PAXIP1: variants seen among roughly 807,000 people sequenced by gnomAD.
The protein encoded by PAXIP1 is PAX interacting protein 1.
Under a neutral mutation model 140.6 loss-of-function variants are expected in PAXIP1, and 19 were observed. The observed-to-expected ratio is 0.14, with a 90% confidence interval of 0.09 to 0.20. The LOEUF (loss-of-function observed/expected upper bound fraction) is 0.20. Among genes scored for constraint, PAXIP1 ranks in the 10% least tolerant of loss-of-function variants. The pLI, the probability that PAXIP1 is intolerant of heterozygous loss-of-function variation, is 1.00. For synonymous variants in PAXIP1, 442 were observed against 444.6 expected (o/e 0.99, Z 0.07); for missense variants, 920 against 1,208.6 (o/e 0.76, Z 3.54).
chr7:154,980,992 G>A (rs955204832), intron 5 of PAXIP1, among the ~76,000 whole-genome samples: 8 of 152,034 alleles, frequency 5.3e-5, no homozygotes, highest in African/African-American at 1.9e-4. Flanking sequence ...GTGGTGGCAC[G>A]AGCCTGTAAT....
intron 6 of PAXIP1, among the ~76,000 whole-genome samples, chr7:154,971,382 G>C (rs1046931677): frequency 1.3e-5 from 2 of 152,356 alleles, no homozygotes; most frequent in East Asian, 3.9e-4. Flanking sequence ...TGGAGATTCA[G>C]GACAAGAGTC....
Position 154,968,712 on chromosome 7 carries a change from G to C in PAXIP1, c.1489C>G (p.Leu497Val), listed in dbSNP as rs749524574. ...QLQPFQQQHA[L>V]QQQFHQLQQH... ...TGCAGCTGATGGAACTGCTGCTGCA[G>C]GGCATGCTGCTGCTGAAAGGGCTGG... The change falls in exon 7 of 21, where the codon CTG (leucine) becomes GTG (valine). Residue 497 changes from leucine to valine, a missense_variant. Physicochemically the swap from Leu to Val is conservative, Grantham distance 32. This residue lies in a region of PAXIP1 where 133 missense variants were observed against 88.4 expected (regional missense o/e 1.50). Coordinates refer to ENST00000404141, the MANE Select transcript of PAXIP1 (RefSeq NM_007349.4). 2.8e-6 allele frequency: 2 copies of C among 718,298 alleles called. No individual in the cohort carries two copies. The highest frequency in any genetic ancestry group is 1.5e-5 in the South Asian group (1 of 67,594). 44.5% of individuals were successfully genotyped at this position (718,298 alleles called of 1,614,324 possible).
intron 2 of PAXIP1, among the ~76,000 whole-genome samples, chr7:154,998,387 A>T (rs1810736248): frequency 6.6e-6 from 1 of 152,174 alleles, no homozygotes; most frequent in African/African-American, 2.4e-5. Flanking sequence ...AGGCACTTGT[A>T]ATCCCAGCTA....
intron 4 of PAXIP1, 65 bp from the exon 5 acceptor site, chr7:154,983,397 C>A (rs1298620850): frequency 1.3e-6 from 1 of 752,598 alleles, no homozygotes; most frequent in African/African-American, 1.8e-5. Context: ...TATATTTTCA[C>A]TTTAGTAATA....
intron 4 of PAXIP1, among the ~76,000 whole-genome samples, chr7:154,987,387 G>A (rs1482732416): frequency 6.6e-6 from 1 of 152,164 alleles, no homozygotes; most frequent in South Asian, 2.1e-4. Context: ...GATTAAGTGT[G>A]ACTTTACCTT....
Position 154,944,181 on chromosome 7 carries a change from A to G in PAXIP1, c.3195-17T>C, listed in dbSNP as rs1233593232. 6.3e-7 allele frequency: 1 copy of G among 1,594,428 alleles called. No individual in the cohort carries two copies. On this transcript the variant is annotated splice_polypyrimidine_tract_variant and intron_variant, in intron 20 of 20. Transcript: ENST00000404141. ...AACTTATATGTAGGCTTGTTGAGGA[A>G]AACGACTTTCAAACACAAGGCAAAA... is the stretch of plus-strand genomic sequence containing the variant.
rs2150745818 is a variant in PAXIP1 at position 154,956,301 on chromosome 7, A to G, written c.2550-670T>C. On this transcript the variant is annotated intron_variant, in intron 14 of 20. Transcript: ENST00000404141. This position sits in a 1 kb window ranked among gnomAD's most constrained non-coding sequence, Gnocchi z 4.2. ...GGTAATTTGATGACAGCCTCAAAAA[A>G]ATCACATAATTAGGATTTTATTACA... The G allele has an allele frequency of 6.6e-6, 1 of 152,348 alleles. No homozygotes were observed. The highest frequency in any genetic ancestry group is 6.5e-5 in the Admixed American group (1 of 15,306). 9.4% of individuals were successfully genotyped at this position (152,348 alleles called of 1,614,324 possible).
chr7:154,949,486 A>G (rs1808167838), intron 16 of PAXIP1: 1 of 152,206 alleles, frequency 6.6e-6, no homozygotes, highest in South Asian at 2.1e-4. Flanking sequence ...TGATGAATTA[A>G]AAAAGGAACA....
chr7:154,948,181 C>A, intron 16 of PAXIP1, 178 bp from the exon 17 acceptor site: 1 of 581,640 alleles, frequency 1.7e-6, no homozygotes, highest in Admixed American at 2.8e-5. Context: ...TAAAAACAGC[C>A]AGACCAAAAA....
chr7:154,961,148 T>C, intron 11 of PAXIP1, 71 bp from the exon 12 acceptor site: 1 of 1,223,490 alleles, frequency 8.2e-7, no homozygotes, highest in Non-Finnish European at 1.1e-6. Context: ...TGTACATTTA[T>C]TTCCAACAAA....
rs1258146817 is a variant in PAXIP1, at chr7:155,002,933, C to A, written c.-4G>T. 1 of 1,299,660 alleles carries A rather than the reference C, an allele frequency of 7.7e-7. No individual in the cohort carries two copies. Among genetic ancestry groups the A allele is most frequent in the African/African-American group, 1.5e-5 (1 of 64,928 alleles). The allele number at this position is 1,299,660 out of a possible 1,614,324, so 80.5% of individuals were successfully genotyped here. A position where few individuals can be genotyped will look rare whatever the true frequency, so the allele number is the denominator to read the frequency against. On this transcript the variant is annotated 5_prime_UTR_variant, in exon 1 of 21. Transcript: ENST00000404141. ...CTTTGGGCGCCTGGTCCGACATGAT[C>A]GCGGCGGCCCGGGAGGCTCCGCGGC...
chr7:154,997,061 A>T (rs1414581486), intron 2 of PAXIP1, among the ~76,000 whole-genome samples: 3 of 152,168 alleles, frequency 2.0e-5, no homozygotes, highest in African/African-American at 7.2e-5. Context: ...CTGTCCCTAA[A>T]GCAGTACAAG....
rs2293262 is a variant in PAXIP1 at position 154,962,626 on chromosome 7, T to G, written c.1990-168A>C. 1.3e-3 allele frequency: 715 copies of G among 541,034 alleles called. 7 individuals are homozygous for G. In the East Asian group the frequency reaches 0.019, roughly 14 times the overall value. 33.5% of individuals were successfully genotyped at this position (541,034 alleles called of 1,614,324 possible). On this transcript the variant is annotated intron_variant, in intron 9 of 20. Transcript: ENST00000404141. The stretch of plus-strand genomic sequence containing the variant: ...TAACGAATTAAAACCGTGTAGCTGG[T>G]TACTTGAAATACAACCTAAAAATGT...
chr7:155,002,729 G>C (rs989981412), intron 1 of PAXIP1, 120 bp downstream of exon 1: 17 of 464,476 alleles, frequency 3.7e-5, no homozygotes, highest in East Asian at 6.3e-5. Context: ...CAGCGGCCTC[G>C]GCGGACCCGA....
In PAXIP1 at chr7:154,962,469, TA is replaced by T. The variant is rs1207597701; in HGVS notation, c.1990-12del. 4.3e-6 allele frequency: 7 copies of T among 1,609,860 alleles called. No homozygotes were observed. The African/African-American group carries it at 8.0e-5, about 18-fold the overall frequency. ...TCTTTCTCTTATTGCCTGTCAAACA[TA>T]AAATTATAGGTTTGTTGTTTTTGTT... On this transcript the variant is annotated splice_polypyrimidine_tract_variant and intron_variant, in intron 9 of 20. Coordinates refer to ENST00000404141, the MANE Select transcript of PAXIP1 (RefSeq NM_007349.4).
chr7:154,980,775 C>A (rs776769255), intron 5 of PAXIP1, among the ~76,000 whole-genome samples: 9 of 152,104 alleles, frequency 5.9e-5, no homozygotes, highest in Non-Finnish European at 1.2e-4. Context: ...TTAAAAAATC[C>A]TGGATGTTTT....
intron 5 of PAXIP1, among the ~76,000 whole-genome samples, chr7:154,979,482 T>G (rs1222346841): frequency 6.6e-6 from 1 of 152,050 alleles, no homozygotes; most frequent in African/African-American, 2.4e-5. Flanking sequence ...TTCACCACTA[T>G]TAGGTTTACA....
chr7:154,946,132 C>G lies in PAXIP1; in HGVS notation c.3194+233G>C, dbSNP rs558642700. On this transcript the variant is annotated intron_variant, in intron 20 of 20. Transcript: ENST00000404141. This position sits in a 1 kb window ranked among gnomAD's most constrained non-coding sequence, Gnocchi z 4.9. ...CCTCCATAAACTAGACAGTATAGAT[C>G]CTTTCTAATTAACATCACCTATTAA... 1.9e-5 allele frequency: 19 copies of G among 975,426 alleles called. No individual in the cohort carries two copies. In the African/African-American group the frequency reaches 3.3e-4, roughly 17 times the overall value. 60.4% of individuals were successfully genotyped at this position (975,426 alleles called of 1,614,324 possible). A position where few individuals can be genotyped will look rare whatever the true frequency, so the allele number is the denominator to read the frequency against.
rs772561191 is a variant in PAXIP1, at chr7:154,986,007, C to T, written c.325-2675G>A. ...TCCATTACACTCTTGACCTATTCCC[C>T]AAAACCTACCCAGCACATTACAACA... On this transcript the variant is annotated intron_variant, in intron 4 of 20. Transcript: ENST00000404141. This position sits in a 1 kb window ranked among gnomAD's most constrained non-coding sequence, Gnocchi z 4.8. 7.3e-7 allele frequency: 1 copy of T among 1,365,102 alleles called. No homozygotes were observed. The highest frequency in any genetic ancestry group is 4.6e-5 in the East Asian group (1 of 21,960). 84.6% of individuals were successfully genotyped at this position (1,365,102 alleles called of 1,614,324 possible).
Sources: gnomAD v4.1 joint callset for allele counts (sites outside exome capture counted in the v4.1 genomes callset) on GRCh38, gnomAD v4.1.1 for gene constraint, gnomAD v4.1.1 regional missense constraint, Gnocchi (gnomAD v3.1) non-coding constraint, MANE v1.5 for transcripts, NCBI Gene and HGNC (gene_info 2026-07-23, HGNC 2026-07-21) for gene names.